SLC22A3: variants seen among roughly 807,000 people sequenced by gnomAD.
SLC22A3 encodes the protein solute carrier family 22 member 3.
SLC22A3 carries 51 observed loss-of-function variants against 59.1 expected under a neutral mutation model. The observed-to-expected ratio is 0.86, with a 90% CI of 0.69 to 1.09. The LOEUF is 1.09. Among genes scored for constraint, SLC22A3 ranks in the 50% least tolerant of loss-of-function variants. SLC22A3 has a pLI of 0.00. For synonymous variants in SLC22A3, 325 were observed against 292.0 expected (o/e 1.11, Z -1.15); for missense variants, 711 against 726.3 (o/e 0.98, Z 0.24).
intron 1 of SLC22A3, among the ~76,000 whole-genome samples, chr6:160,355,791 C>CAA (rs531123533): frequency 3.7e-4 from 52 of 138,900 alleles, no homozygotes; most frequent in African/African-American, 1.4e-3. Flanking sequence ...ACAACAACAA[C>CAA]AACAACAAAA....
intron 1 of SLC22A3, among the ~76,000 whole-genome samples, chr6:160,355,479 C>T (rs1050963060): frequency 8.5e-5 from 13 of 152,090 alleles, no homozygotes; most frequent in Admixed American, 3.9e-4. Flanking sequence ...TGTCTTTCCT[C>T]GGCCGGGCAC....
At chr6:160,358,102 G>A (rs641990) in intron 1 of SLC22A3, among the ~76,000 whole-genome samples, 80,152 of 152,082 alleles carry the variant, frequency 0.53, 21,460 homozygotes, top group African/African-American at 0.62. Context: ...TATTGTTGCA[G>A]AGTTTTGTGA....
intron 2 of SLC22A3, among the ~76,000 whole-genome samples, chr6:160,400,238 C>T (rs1554270607): frequency 6.6e-6 from 1 of 151,904 alleles, no homozygotes; most frequent in Non-Finnish European, 1.5e-5. Flanking sequence ...TGTCTGCCCT[C>T]AGGAGAAGAT....
At chr6:160,436,233 G>A (rs1788330151) in intron 5 of SLC22A3, among the ~76,000 whole-genome samples, 1 of 152,096 alleles carries the variant, frequency 6.6e-6, no homozygotes, top group African/African-American at 2.4e-5. Context: ...GTATGTAGTT[G>A]GCCAATAGCA....
At chr6:160,373,483 G>A (rs1785475209) in intron 1 of SLC22A3, among the ~76,000 whole-genome samples, 1 of 152,200 alleles carries the variant, frequency 6.6e-6, no homozygotes, top group African/African-American at 2.4e-5. Flanking sequence ...AGGCATGGTG[G>A]TTAGGGAATC....
At chr6:160,442,382 T>C (rs1011192002) in intron 7 of SLC22A3, among the ~76,000 whole-genome samples, 16 of 152,120 alleles carry the variant, frequency 1.1e-4, no homozygotes, top group African/African-American at 3.4e-4. Context: ...GCACCAGCTG[T>C]GGGAACGTGG....
chr6:160,353,692 G>A (rs192993575), intron 1 of SLC22A3, among the ~76,000 whole-genome samples: 26 of 152,156 alleles, frequency 1.7e-4, no homozygotes, highest in Non-Finnish European at 2.5e-4. Context: ...GTGCATTCTC[G>A]GGTCGCACAC....
chr6:160,349,553 A>G (rs919870076), intron 1 of SLC22A3, among the ~76,000 whole-genome samples: 1 of 152,114 alleles, frequency 6.6e-6, no homozygotes, highest in African/African-American at 2.4e-5. Flanking sequence ...TCCCCAACCC[A>G]TTTACAGGCG....
At chr6:160,391,607 G>A (rs1006545753) in intron 1 of SLC22A3, among the ~76,000 whole-genome samples, 9 of 152,156 alleles carry the variant, frequency 5.9e-5, no homozygotes, top group East Asian at 1.9e-4. Flanking sequence ...ACTAGGACTC[G>A]TCTTTGCCAA....
chr6:160,349,033 A>G (rs1344913141), intron 1 of SLC22A3, 185 bp downstream of exon 1: 1 of 985,322 alleles, frequency 1.0e-6, no homozygotes, highest in African/African-American at 1.7e-5. Flanking sequence ...ATGCTGGGAA[A>G]AGCCTTTCGT....
chr6:160,360,090 A>G (rs1293373253), intron 1 of SLC22A3, among the ~76,000 whole-genome samples: 3 of 152,202 alleles, frequency 2.0e-5, no homozygotes, highest in East Asian at 3.8e-4. Context: ...ATTTTTCCTT[A>G]CTAAACTTTC....
intron 1 of SLC22A3, chr6:160,349,186 G>C (rs565314761): frequency 1.2e-5 from 7 of 581,298 alleles, no homozygotes; most frequent in African/African-American, 4.0e-5. Flanking sequence ...TATCTTTGAG[G>C]TGTGCGGGCG....
Position 160,409,366 on chromosome 6 carries a change from G to A in SLC22A3, c.857+445G>A, listed in dbSNP as rs538803772. ...GGATATGAACTCATCATTTTTTATGGCTGCATAGTATTCCATGGTGTATAT... is the reference window on the plus strand; with the variant it reads ...GGATATGAACTCATCATTTTTTATGACTGCATAGTATTCCATGGTGTATAT... On this transcript the variant is annotated intron_variant, in intron 4 of 10. Coordinates refer to ENST00000275300, the MANE Select transcript of SLC22A3 (RefSeq NM_021977.4). Among the ~76,000 whole-genome samples, 675 of 113,142 alleles carry A rather than the reference G, an allele frequency of 6.0e-3. 9 individuals carry two copies. The highest frequency in any genetic ancestry group is 0.022 in the African/African-American group (634 of 28,948). The allele number at this position is 113,142 out of a possible 152,430, so 74.2% of individuals were successfully genotyped here.
At chr6:160,396,602 C>A (rs550948060) in intron 1 of SLC22A3, among the ~76,000 whole-genome samples, 61 of 152,142 alleles carry the variant, frequency 4.0e-4, no homozygotes, top group Non-Finnish European at 6.2e-4. Context: ...TAATTTTGAG[C>A]CCTAACTCAT....
chr6:160,349,170 G>A, intron 1 of SLC22A3: 1 of 715,828 alleles, frequency 1.4e-6, no homozygotes, highest in Non-Finnish European at 1.7e-6. Context: ...CCAGCACCGC[G>A]TTCCTTATCT....
chr6:160,435,428 T>C (rs1788303084), intron 5 of SLC22A3, among the ~76,000 whole-genome samples: 1 of 152,200 alleles, frequency 6.6e-6, no homozygotes, highest in African/African-American at 2.4e-5. Context: ...CCAATGTGTC[T>C]TGGTATAGAA....
At chr6:160,447,669 G>C in intron 9 of SLC22A3, 50 bp from the exon 10 acceptor site, 1 of 1,519,338 alleles carries the variant, frequency 6.6e-7, no homozygotes, top group South Asian at 1.1e-5. Flanking sequence ...CATGGGAGAG[G>C]GCCCAGCTGT....
intron 1 of SLC22A3, among the ~76,000 whole-genome samples, chr6:160,368,292 C>T (rs575834380): frequency 3.3e-5 from 5 of 152,272 alleles, no homozygotes; most frequent in South Asian, 4.1e-4. Context: ...TCCTTCTAAC[C>T]CCACAGCAGA....
At position 160,436,776 on chromosome 6, in the gene SLC22A3, A is replaced by C. The variant is rs200588591; in HGVS notation, c.976-4A>C. On this transcript the variant is annotated splice_polypyrimidine_tract_variant and splice_region_variant and intron_variant, in intron 5 of 10. Transcript: ENST00000275300. ...TGCTACTGAAATCTGCTTTTCTTATATAGATCACTGTTACAGATGAGGAAG... is the reference window on the plus strand; with the variant it reads ...TGCTACTGAAATCTGCTTTTCTTATCTAGATCACTGTTACAGATGAGGAAG... 6.4e-4 allele frequency: 1,017 copies of C among 1,596,508 alleles called. 1 individual carries two copies. Among genetic ancestry groups the C allele is most frequent in the Non-Finnish European group, 8.1e-4 (949 of 1,164,736 alleles).
Sources: gnomAD v4.1 joint callset for allele counts (sites outside exome capture counted in the v4.1 genomes callset) on GRCh38, gnomAD v4.1.1 for gene constraint, MANE v1.5 for transcripts, NCBI Gene and HGNC (gene_info 2026-07-23, HGNC 2026-07-21) for gene names.